Variants in COBLL1 observed in about 807,000 individuals in gnomAD.
The protein encoded by COBLL1 is cordon-bleu WH2 repeat protein like 1.
Under a neutral mutation model 94.8 loss-of-function variants are expected in COBLL1, and 50 were observed. That is an observed-to-expected ratio of 0.53 (90% CI 0.42 to 0.67). The LOEUF is 0.67. Ranked by LOEUF, COBLL1 falls within the 30% of genes least tolerant of loss-of-function variation. The probability of loss-of-function intolerance (pLI) is 0.00; values close to 1 mark genes in which losing one functional copy is unlikely to be tolerated. For synonymous variants in COBLL1, 448 were observed against 473.8 expected (o/e 0.95, Z 0.71); for missense variants, 1,362 against 1,348.7 (o/e 1.01, Z -0.15).
At chr2:164,750,332 C>G (rs78319871) in intron 2 of COBLL1, among the ~76,000 whole-genome samples, 2,962 of 152,278 alleles carry the variant, frequency 0.019, 35 homozygotes, top group Middle Eastern at 0.041. Flanking sequence ...AATGGCTCCA[C>G]TAACCACCCA....
chr2:164,806,207 C>A (rs1574624384), intron 2 of COBLL1, among the ~76,000 whole-genome samples: 1 of 151,782 alleles, frequency 6.6e-6, no homozygotes, highest in Non-Finnish European at 1.5e-5. Flanking sequence ...GCTGCCATTT[C>A]TTCTATAACA....
chr2:164,761,538 C>A (rs1296973504), intron 2 of COBLL1: 2 of 150,904 alleles, frequency 1.3e-5, no homozygotes, highest in Non-Finnish European at 2.9e-5. Flanking sequence ...AGAAAAAAAA[C>A]CCATGCTGTG....
intron 13 of COBLL1, 75 bp downstream of exon 13, chr2:164,692,146 A>C (rs1683635586): frequency 2.2e-6 from 3 of 1,373,306 alleles, no homozygotes; most frequent in Non-Finnish European, 2.9e-6. Context: ...CATGCTAGAA[A>C]AATTTTTCCC....
intron 2 of COBLL1, among the ~76,000 whole-genome samples, chr2:164,803,917 T>G (rs1156690607): frequency 6.6e-6 from 1 of 151,910 alleles, no homozygotes; most frequent in Non-Finnish European, 1.5e-5. Flanking sequence ...AACATCTTCT[T>G]GAAGGAAGTG....
chr2:164,796,189 G>C (rs906335576), intron 2 of COBLL1, among the ~76,000 whole-genome samples: 1 of 152,176 alleles, frequency 6.6e-6, no homozygotes, highest in African/African-American at 2.4e-5. Flanking sequence ...CTGAAAAAAA[G>C]AGTCATAGTG....
At chr2:164,818,912 G>A (rs532344733) in intron 2 of COBLL1, among the ~76,000 whole-genome samples, 2 of 151,460 alleles carry the variant, frequency 1.3e-5, no homozygotes, top group East Asian at 1.9e-4. Context: ...TGAGACTACA[G>A]GTGCATGCCA....
intron 8 of COBLL1, 127 bp downstream of exon 8, chr2:164,704,825 A>C: frequency 9.8e-7 from 1 of 1,022,592 alleles, no homozygotes; most frequent in Non-Finnish European, 1.4e-6. Context: ...AAGTGAGACT[A>C]ATCAAGATGT....
At chr2:164,791,983 C>T (rs960222399) in intron 2 of COBLL1, among the ~76,000 whole-genome samples, 1 of 151,596 alleles carries the variant, frequency 6.6e-6, no homozygotes, top group Non-Finnish European at 1.5e-5. Flanking sequence ...GATAAGTGCT[C>T]AATTATTTTA....
At chr2:164,666,919 T>C (rs1408359438) in intron 1 of COBLL1, among the ~76,000 whole-genome samples, 1 of 152,318 alleles carries the variant, frequency 6.6e-6, no homozygotes, top group Admixed American at 6.5e-5. Flanking sequence ...TCTTCCAAAC[T>C]CTTTTTAATG....
chr2:164,775,853 G>T (rs1436239466), intron 2 of COBLL1, among the ~76,000 whole-genome samples: 1 of 151,992 alleles, frequency 6.6e-6, no homozygotes, highest in African/African-American at 2.4e-5. Flanking sequence ...CTACTTGGGG[G>T]TCTTACTACC....
intron 2 of COBLL1, among the ~76,000 whole-genome samples, chr2:164,790,480 G>A (rs1683132215): frequency 6.6e-6 from 1 of 152,134 alleles, no homozygotes; most frequent in Non-Finnish European, 1.5e-5. Flanking sequence ...TTATTTAAAA[G>A]TTTGGTGATG....
intron 11 of COBLL1, chr2:164,697,445 G>T (rs927748070): frequency 2.0e-5 from 3 of 152,038 alleles, no homozygotes; most frequent in African/African-American, 7.2e-5. Context: ...ATTTTTCAAT[G>T]TTCATATGAA....
chr2:164,704,591 GT>G, intron 8 of COBLL1, 73 bp from the exon 9 acceptor site: 1 of 1,250,980 alleles, frequency 8.0e-7, no homozygotes, highest in South Asian at 1.2e-5. Context: ...GTTTAACTTA[GT>G]TATATAGTTC....
At chr2:164,803,429 G>T in intron 2 of COBLL1, among the ~76,000 whole-genome samples, 1 of 150,784 alleles carries the variant, frequency 6.6e-6, no homozygotes. Context: ...GCCGGGCGTA[G>T]TGGCGGGCGC....
chr2:164,720,251 T>C lies in COBLL1; in HGVS notation c.996+1824A>G, dbSNP rs762334831. 4.0e-5 allele frequency among the ~76,000 whole-genome samples: 6 copies of C among 148,356 alleles called. 1 individual carries two copies. The highest frequency in any genetic ancestry group is 1.5e-4 in the African/African-American group (6 of 39,044). The stretch of plus-strand genomic sequence containing the variant: ...AAATAATTAGAAAATTGTATAAAGA[T>C]GTGTAGTTTGCCAAAGGCAACATAC... On this transcript the variant is annotated intron_variant, in intron 7 of 13. Transcript: ENST00000652658.
At chr2:164,707,502 GATTT>G (rs1211577883) in intron 7 of COBLL1, among the ~76,000 whole-genome samples, 1 of 152,080 alleles carries the variant, frequency 6.6e-6, no homozygotes, top group African/African-American at 2.4e-5. Flanking sequence ...CTGCTTCCTA[GATTT>G]ATTTCTATGA....
chr2:164,756,996 G>A (rs929205761), intron 2 of COBLL1, among the ~76,000 whole-genome samples: 2 of 152,054 alleles, frequency 1.3e-5, no homozygotes, highest in East Asian at 3.9e-4. Flanking sequence ...CTAGCACAAT[G>A]GTTCTCAAAC....
At chr2:164,787,953 A>G (rs1016795391) in intron 2 of COBLL1, among the ~76,000 whole-genome samples, 1 of 152,180 alleles carries the variant, frequency 6.6e-6, no homozygotes, top group Non-Finnish European at 1.5e-5. Context: ...AAAATGTGGG[A>G]AGCTCTTTAT....
At chr2:164,764,718 G>T (rs1012077561) in intron 2 of COBLL1, among the ~76,000 whole-genome samples, 3 of 152,138 alleles carry the variant, frequency 2.0e-5, no homozygotes, top group Non-Finnish European at 4.4e-5. Context: ...CAGGCAACTG[G>T]AAGGGCCTCT....
Sources: allele counts gnomAD v4.1 joint callset (sites outside exome capture counted in the v4.1 genomes callset), GRCh38; gene constraint gnomAD v4.1.1; transcripts MANE v1.5; gene names NCBI Gene and HGNC (gene_info 2026-07-23, HGNC 2026-07-21).